The following KIAA1210 variants were observed in gnomAD, a reference collection of about 807,000 sequenced individuals.
The protein encoded by KIAA1210 is acrosomal protein KIAA1210.
A neutral mutation model predicts 78.9 loss-of-function variants in KIAA1210; 48 were observed. That is an observed-to-expected ratio of 0.61 (90% CI 0.48 to 0.77). The LOEUF is 0.77. Among genes scored for constraint, KIAA1210 ranks in the 30% least tolerant of loss-of-function variants. The pLI, the probability that KIAA1210 is intolerant of heterozygous loss-of-function variation, is 0.00. For synonymous variants in KIAA1210, 406 were observed against 404.5 expected, an observed-to-expected ratio of 1.00 and a Z score of -0.04; for missense variants, 1,108 against 1,100.0, an observed-to-expected ratio of 1.01 and a Z score of -0.10.
At chrX:119,150,955 G>A (rs1433844621), upstream of KIAA1210, among the ~76,000 whole-genome samples, 1 of 112,552 alleles carries the variant, frequency 8.9e-6, no homozygotes, top group Non-Finnish European at 1.9e-5. Context: ...CTTGAGGCAA[G>A]CATGAAAGCT....
At chrX:119,146,919 G>A (rs1190586083) in intron 2 of KIAA1210, among the ~76,000 whole-genome samples, 1 of 111,158 alleles carries the variant, frequency 9.0e-6, no homozygotes, top group Non-Finnish European at 1.9e-5. Context: ...GGAAAGAAGG[G>A]AGGGAGAGAA....
At chrX:119,085,290 G>T in intron 10 of KIAA1210, 93 bp downstream of exon 10, 1 of 792,337 alleles carries the variant, frequency 1.3e-6, no homozygotes, top group South Asian at 2.6e-5. Flanking sequence ...CAAAGAGAGG[G>T]GGAGCTGCAT....
chrX:119,091,111 A>G (rs1927353769), intron 8 of KIAA1210, among the ~76,000 whole-genome samples: 1 of 112,768 alleles, frequency 8.9e-6, no homozygotes, highest in Non-Finnish European at 1.9e-5. Flanking sequence ...CAAATGGACA[A>G]CAAACATATG....
intron 2 of KIAA1210, among the ~76,000 whole-genome samples, chrX:119,144,788 T>C (rs755550541): frequency 2.7e-5 from 3 of 112,309 alleles, no homozygotes; most frequent in Admixed American, 9.4e-5. Flanking sequence ...TTTAATTTGA[T>C]ACTCACCATC....
rs193265583 is a variant in KIAA1210, at chrX:119,149,209, C to T, written c.289+1082G>A. On this transcript the variant is annotated intron_variant, in intron 1 of 13. Coordinates refer to the KIAA1210 transcript ENST00000402510. ...ATGTGCTCGCTTCCAAGTGCTCCTA[C>T]TCTCATTTACATTCTCTCCTACTGA... 2.7e-5 allele frequency among the ~76,000 whole-genome samples: 3 copies of T among 111,071 alleles called. No homozygotes were observed. In the Admixed American group the frequency reaches 2.9e-4, roughly 11 times the overall value.
intron 6 of KIAA1210, among the ~76,000 whole-genome samples, chrX:119,099,594 T>C (rs191976091): frequency 8.5e-4 from 96 of 112,501 alleles, no homozygotes; most frequent in African/African-American, 2.9e-3. Context: ...GTATGTTATG[T>C]GGGTATAGAT....
intron 2 of KIAA1210, among the ~76,000 whole-genome samples, chrX:119,144,824 T>G (rs866993186): frequency 3.2e-4 from 36 of 111,948 alleles, no homozygotes; most frequent in African/African-American, 9.7e-4. Flanking sequence ...CATTGTTACT[T>G]CTTGTTTTAC....
Position 119,109,349 on chromosome X carries a change from T to C in KIAA1210, c.231-147A>G, listed in dbSNP as rs1603268249. The stretch of plus-strand genomic sequence containing the variant: ...CTGACATAGAAAGTGGTTCATGAGA[T>C]AGTAAGTGAAAAAGATAATAGTATG... On this transcript the variant is annotated intron_variant, in intron 3 of 11. Coordinates refer to ENST00000691062, the MANE Select transcript of KIAA1210 (RefSeq NM_001394962.1). 9.7e-6 allele frequency: 5 copies of C among 518,035 alleles called. No homozygotes were observed. In the East Asian group the frequency reaches 1.5e-4, roughly 15 times the overall value. The allele number at this position is 518,035 out of a possible 1,213,427, so 42.7% of individuals were successfully genotyped here.
chrX:119,128,484 C>G (rs181962425), upstream of KIAA1210, among the ~76,000 whole-genome samples: 21 of 107,696 alleles, frequency 1.9e-4, no homozygotes, highest in East Asian at 2.1e-3. Context: ...TGCCCCCTTT[C>G]AATCTCAGGA....
At chrX:119,116,768 G>T in intron 2 of KIAA1210, 104 bp from the exon 3 acceptor site, 1 of 731,778 alleles carries the variant, frequency 1.4e-6, no homozygotes, top group Non-Finnish European at 2.0e-6. Flanking sequence ...ATCCCACCCA[G>T]GTGTCCTGCA....
intron 2 of KIAA1210, among the ~76,000 whole-genome samples, chrX:119,143,152 TTCATCAGTTTCCCAAAAG>T (rs1929089984): frequency 8.9e-6 from 1 of 112,611 alleles, no homozygotes; most frequent in Non-Finnish European, 1.9e-5. Flanking sequence ...TTCCCTGCTC[TTCATCAGTTTCCCAAAAG>T]TGGGGGATGA....
At chrX:119,135,615 T>A (rs1429032765) in intron 2 of KIAA1210, among the ~76,000 whole-genome samples, 1 of 112,074 alleles carries the variant, frequency 8.9e-6, no homozygotes, top group Non-Finnish European at 1.9e-5. Flanking sequence ...CTCTGCTAGT[T>A]CTCAAGCCCA....
chrX:119,132,499 G>T (rs1218428599), upstream of KIAA1210, among the ~76,000 whole-genome samples: 1 of 111,282 alleles, frequency 9.0e-6, no homozygotes, highest in African/African-American at 3.3e-5. Flanking sequence ...AACTTAAGTT[G>T]CTACTCTCTC....
chrX:119,102,201 A>AT (rs933299174), intron 6 of KIAA1210, among the ~76,000 whole-genome samples: 2 of 111,920 alleles, frequency 1.8e-5, no homozygotes, highest in African/African-American at 3.2e-5. Context: ...CTGAACCTCA[A>AT]TTTTTTTTGA....
chrX:119,098,604 CAAA>C (rs747325732), intron 6 of KIAA1210, among the ~76,000 whole-genome samples: 19 of 39,811 alleles, frequency 4.8e-4, no homozygotes, highest in Middle Eastern at 0.019. Flanking sequence ...GAGACTCCGT[CAAA>C]AAAAAAAAAA....
chrX:119,113,187 G>A (rs1928136561), intron 3 of KIAA1210, among the ~76,000 whole-genome samples: 1 of 111,231 alleles, frequency 9.0e-6, no homozygotes, highest in Non-Finnish European at 1.9e-5. Flanking sequence ...TTGGGGGAAG[G>A]TTGAATAGGG....
At chrX:119,095,642 C>T (rs1170537632) in intron 7 of KIAA1210, among the ~76,000 whole-genome samples, 1 of 112,167 alleles carries the variant, frequency 8.9e-6, no homozygotes, top group Non-Finnish European at 1.9e-5. Flanking sequence ...CCCGCCTTGG[C>T]CTCCCAAAGT....
chrX:119,111,031 C>T (rs1416853800), intron 3 of KIAA1210, among the ~76,000 whole-genome samples: 1 of 110,392 alleles, frequency 9.1e-6, no homozygotes, highest in Non-Finnish European at 1.9e-5. Flanking sequence ...ACTTATACTT[C>T]AATTTCAAAG....
At chrX:119,111,112 T>C (rs1040698847) in intron 3 of KIAA1210, among the ~76,000 whole-genome samples, 3 of 111,429 alleles carry the variant, frequency 2.7e-5, no homozygotes, top group African/African-American at 9.8e-5. Flanking sequence ...ATCAATGAAA[T>C]AGAGTTGAGA....
Sources: allele counts gnomAD v4.1 joint callset (sites outside exome capture counted in the v4.1 genomes callset), GRCh38; gene constraint gnomAD v4.1.1; transcripts MANE v1.5; gene names NCBI Gene and HGNC (gene_info 2026-07-23, HGNC 2026-07-21).